The following CHN2 variants were observed in gnomAD, a reference collection of about 807,000 sequenced individuals.
CHN2 encodes chimerin 2.
Under a neutral mutation model 56.3 loss-of-function variants are expected in CHN2, and 35 were observed. That is an observed-to-expected ratio of 0.62 (90% CI 0.47 to 0.82). The LOEUF (loss-of-function observed/expected upper bound fraction) is 0.82. Among genes scored for constraint, CHN2 ranks in the 40% least tolerant of loss-of-function variants. The pLI is 0.00. For synonymous variants in CHN2, 210 were observed against 212.8 expected (o/e 0.99, Z 0.12); for missense variants, 491 against 580.5 (o/e 0.85, Z 1.58).
intron 6 of CHN2, among the ~76,000 whole-genome samples, chr7:29,444,778 A>G (rs562415216): frequency 6.6e-6 from 1 of 152,330 alleles, no homozygotes; most frequent in East Asian, 1.9e-4. Flanking sequence ...GTAGCCATCT[A>G]TGCAGACAAC....
At chr7:29,146,855 C>T in exon 2 of CHN2, 2 of 1,551,120 alleles carry the variant, frequency 1.3e-6, no homozygotes, top group Non-Finnish European at 1.7e-6. Context: ...CTAGGACTTA[C>T]TTGCAAGCCC....
At chr7:29,293,905 C>T (rs957217615) in intron 1 of CHN2, among the ~76,000 whole-genome samples, 7 of 120,676 alleles carry the variant, frequency 5.8e-5, no homozygotes, top group Admixed American at 4.6e-4. Flanking sequence ...CTCGCTGTGT[C>T]GCCCAGGCTG....
rs562140576 is a variant in CHN2, at chr7:29,411,522, A to C, written c.576+10694A>C. ...AGTCATATCTGCCCACTAATCCCAG[A>C]GGTGGATTTGTGATTCAAGGCCAAG... On this transcript the variant is annotated intron_variant, in intron 6 of 12. Coordinates refer to ENST00000222792, the MANE Select transcript of CHN2 (RefSeq NM_004067.4). Among the ~76,000 whole-genome samples, 67 of 152,184 alleles carry C rather than the reference A, an allele frequency of 4.4e-4. 1 individual carries two copies. The Middle Eastern group carries it at 0.014, about 31-fold the overall frequency.
In CHN2 at chr7:29,513,861, T is replaced by C. The variant is rs1013148; in HGVS notation, c.*1126T>C. ...TTTTATTACTACAGTTCCAGTCACT[T>C]GGTTATATTTATCTTAGCATGAGCC... is the stretch of plus-strand genomic sequence containing the variant. On this transcript the variant is annotated 3_prime_UTR_variant, in exon 13 of 13. Coordinates refer to ENST00000222792, the MANE Select transcript of CHN2 (RefSeq NM_004067.4). 0.066 allele frequency: 10,022 copies of C among 152,720 alleles called. 852 individuals are homozygous for C. Among genetic ancestry groups the C allele is most frequent in the African/African-American group, 0.19 (8,029 of 41,540 alleles). The allele number at this position is 152,720 out of a possible 1,614,324, so 9.5% of individuals were successfully genotyped here.
chr7:29,263,367 T>C (rs1789738637), intron 1 of CHN2, among the ~76,000 whole-genome samples: 2 of 152,172 alleles, frequency 1.3e-5, no homozygotes, highest in African/African-American at 4.8e-5. Context: ...TGGCGTGATC[T>C]CGGATCGCTA....
At chr7:29,284,071 G>A (rs11971506) in intron 1 of CHN2, among the ~76,000 whole-genome samples, 50,324 of 150,708 alleles carry the variant, frequency 0.33, 8,441 homozygotes, top group Middle Eastern at 0.44. Flanking sequence ...GCGTCACCAC[G>A]CCTAGCTAAT....
At chr7:29,187,328 T>C (rs1030298210) in intron 2 of CHN2, among the ~76,000 whole-genome samples, 2 of 150,590 alleles carry the variant, frequency 1.3e-5, no homozygotes, top group Non-Finnish European at 3.0e-5. Context: ...CATCTAGTGG[T>C]GTGTGTGTTT....
chr7:29,458,788 T>G (rs1411394300), intron 6 of CHN2, among the ~76,000 whole-genome samples: 1 of 152,246 alleles, frequency 6.6e-6, no homozygotes. Flanking sequence ...CTTGGCTATG[T>G]AAAAGCGTGC....
chr7:29,293,362 G>GGCCC (rs1792812098), intron 1 of CHN2, among the ~76,000 whole-genome samples: 3 of 53,116 alleles, frequency 5.6e-5, no homozygotes, highest in Admixed American at 2.2e-4. Context: ...GGCAGCTAAT[G>GGCCC]CCCCCCCCCC....
At chr7:29,458,970 T>G (rs1490572100) in intron 6 of CHN2, among the ~76,000 whole-genome samples, 1 of 152,212 alleles carries the variant, frequency 6.6e-6, no homozygotes, top group East Asian at 1.9e-4. Context: ...AGTTAAGAAC[T>G]CTGTTGCCTT....
At chr7:29,414,087 C>T (rs1803500873) in intron 6 of CHN2, among the ~76,000 whole-genome samples, 1 of 152,138 alleles carries the variant, frequency 6.6e-6, no homozygotes, top group African/African-American at 2.4e-5. Flanking sequence ...GCTCTGTATA[C>T]CTTTACTATA....
At chr7:29,208,197 G>A (rs1784661200) in intron 1 of CHN2, among the ~76,000 whole-genome samples, 2 of 152,234 alleles carry the variant, frequency 1.3e-5, no homozygotes, top group South Asian at 4.2e-4. Flanking sequence ...TGAGTCCCTG[G>A]GTAGCCACTT....
chr7:29,275,933 G>C (rs1434442133), intron 1 of CHN2, among the ~76,000 whole-genome samples: 1 of 152,142 alleles, frequency 6.6e-6, no homozygotes, highest in Admixed American at 6.5e-5. Flanking sequence ...TAAGGTAAAA[G>C]ATGTGATACC....
intron 6 of CHN2, among the ~76,000 whole-genome samples, chr7:29,468,136 A>ACCCCCC (rs761559871): frequency 2.8e-5 from 1 of 36,100 alleles, no homozygotes; most frequent in Non-Finnish European, 5.7e-5. Flanking sequence ...AACCAAACGG[A>ACCCCCC]CCCGCCCCCC....
chr7:29,237,988 A>G (rs1787329770), intron 1 of CHN2, among the ~76,000 whole-genome samples: 1 of 149,636 alleles, frequency 6.7e-6, no homozygotes, highest in Non-Finnish European at 1.5e-5. Flanking sequence ...AATCTGTGTC[A>G]CACACTCATA....
At chr7:29,382,294 C>A (rs1800574447) in intron 3 of CHN2, among the ~76,000 whole-genome samples, 1 of 152,120 alleles carries the variant, frequency 6.6e-6, no homozygotes, top group South Asian at 2.1e-4. Flanking sequence ...ACATGTTCAC[C>A]CTCTAAAGAA....
At chr7:29,458,516 C>T (rs910583110) in intron 6 of CHN2, among the ~76,000 whole-genome samples, 9 of 152,052 alleles carry the variant, frequency 5.9e-5, no homozygotes, top group Admixed American at 2.6e-4. Flanking sequence ...TCACCCCTGC[C>T]CCCAACTTTT....
intron 2 of CHN2, among the ~76,000 whole-genome samples, chr7:29,164,852 T>C (rs1245109272): frequency 1.3e-5 from 2 of 151,342 alleles, no homozygotes; most frequent in East Asian, 1.9e-4. Context: ...GGTCAACTGA[T>C]ATATATGTGT....
chr7:29,391,552 T>G (rs113640920), intron 3 of CHN2, among the ~76,000 whole-genome samples: 9 of 152,194 alleles, frequency 5.9e-5, no homozygotes, highest in African/African-American at 1.9e-4. Context: ...AATTCAGGGC[T>G]CTTCTTTTAT....
Sources: gnomAD v4.1 joint callset for allele counts (sites outside exome capture counted in the v4.1 genomes callset) on GRCh38, gnomAD v4.1.1 for gene constraint, MANE v1.5 for transcripts, NCBI Gene and HGNC (gene_info 2026-07-23, HGNC 2026-07-21) for gene names.